The following PCDHGB4 variants were observed in gnomAD, a reference collection of about 807,000 sequenced individuals.
PCDHGB4 encodes the protein protocadherin gamma-B4.
In PCDHGB4, 38 loss-of-function variants were observed where a neutral mutation model predicts 60.5. The observed-to-expected ratio is 0.63, with a 90% CI of 0.48 to 0.82. The LOEUF (loss-of-function observed/expected upper bound fraction) is 0.82. PCDHGB4 is among the 40% of genes least tolerant of loss of function. The pLI is 0.00. For synonymous variants in PCDHGB4, 456 were observed against 509.7 expected, an observed-to-expected ratio of 0.89 and a Z score of 1.42; for missense variants, 1,109 against 1,209.6, an observed-to-expected ratio of 0.92 and a Z score of 1.23.
intron 1 of PCDHGB4, chr5:141,404,337 C>T (rs766940096): frequency 5.0e-6 from 8 of 1,613,902 alleles, no homozygotes; most frequent in Admixed American, 1.7e-5. Flanking sequence ...GTCTACCTCC[C>T]GGAAAACAAC....
At position 141,512,881 on chromosome 5, in the gene PCDHGB4, C is replaced by T. The variant is rs1274589284; in HGVS notation, c.*1708C>T. 1.3e-5 allele frequency: 2 copies of T among 152,268 alleles called. No homozygotes were observed. Among genetic ancestry groups the T allele is most frequent in the African/African-American group, 4.8e-5 (2 of 41,458 alleles). 9.4% of individuals were successfully genotyped at this position (152,268 alleles called of 1,614,324 possible). On this transcript the variant is annotated 3_prime_UTR_variant, in exon 4 of 4. Coordinates refer to ENST00000519479, the MANE Select transcript of PCDHGB4 (RefSeq NM_003736.4). Reference sequence around the variant, plus strand: ...TCGCATAGTCACGTAGCTCCCACCCCACCCTCTTCCTGTGTCTCACGCAAG... The same window carrying T: ...TCGCATAGTCACGTAGCTCCCACCCTACCCTCTTCCTGTGTCTCACGCAAG...
At position 141,490,909 on chromosome 5, in the gene PCDHGB4, G is replaced by A. The variant is rs1170664693; in HGVS notation, c.2398-3898G>A. On this transcript the variant is annotated intron_variant, in intron 1 of 3. Coordinates refer to ENST00000519479, the MANE Select transcript of PCDHGB4 (RefSeq NM_003736.4). The surrounding 1 kb of genome is among the most constrained non-coding windows in gnomAD (Gnocchi z 5.4). ...ATCTCTGCATGTGTTTGTCCTAGAC[G>A]AGAATGATAATGCCCCAGCTGTGCT... The A allele has an allele frequency of 1.1e-5, 17 of 1,613,626 alleles. No individual in the cohort carries two copies. Among genetic ancestry groups the A allele is most frequent in the East Asian group, 4.5e-5 (2 of 44,882 alleles).
chr5:141,396,830 G>A (rs1014090361), intron 1 of PCDHGB4, among the ~76,000 whole-genome samples: 1 of 152,198 alleles, frequency 6.6e-6, no homozygotes, highest in African/African-American at 2.4e-5. Context: ...TGCATATTCA[G>A]TGGAGTGGGA....
In PCDHGB4 at chr5:141,390,098, C is replaced by A. The variant is rs2092044435; in HGVS notation, c.2214C>A (p.Pro738=). Residue 738 remains proline (P), a synonymous_variant, in exon 1 of 4, where the codon CCC becomes CCA. Transcript: ENST00000519479. ...GTGTTAAATCCGAATCCGTGGTTCC[C>A]CCCAACTACAGCGAGGGGACTTTGC... ...GLCVKSESVV[P]PNYSEGTLPY... is the part of the protein sequence containing the mutation. 6.2e-7 allele frequency: 1 copy of A among 1,613,924 alleles called. No homozygotes were observed. The highest frequency in any genetic ancestry group is 8.5e-7 in the Non-Finnish European group (1 of 1,179,902).
intron 1 of PCDHGB4, among the ~76,000 whole-genome samples, chr5:141,437,034 C>T (rs1282216386): frequency 1.3e-5 from 2 of 152,194 alleles, no homozygotes. Context: ...AAATGGATCA[C>T]CGAAACCAGA....
At chr5:141,510,626 AGGTG>A (rs2099882005) in intron 3 of PCDHGB4, among the ~76,000 whole-genome samples, 1 of 152,144 alleles carries the variant, frequency 6.6e-6, no homozygotes, top group Admixed American at 6.5e-5. Context: ...AAACCAGAAG[AGGTG>A]GTTACCATTA....
In PCDHGB4 at chr5:141,431,716, G is replaced by T; in HGVS notation, c.2397+41435G>T. On this transcript the variant is annotated intron_variant, in intron 1 of 3. Transcript: ENST00000519479. The surrounding 1 kb of genome is among the most constrained non-coding windows in gnomAD (Gnocchi z 4.8). ...AGTCAGGATTCTACCAGATGGAAGT[G>T]CAAGCAATGGATAATGCAGGATATT... 1 of 1,614,244 alleles carries T rather than the reference G, an allele frequency of 6.2e-7. No homozygotes were observed. Among genetic ancestry groups the T allele is most frequent in the Middle Eastern group, 1.6e-4 (1 of 6,062 alleles).
intron 1 of PCDHGB4, among the ~76,000 whole-genome samples, chr5:141,443,696 T>C (rs1293017505): frequency 6.6e-6 from 1 of 152,308 alleles, no homozygotes; most frequent in Admixed American, 6.5e-5. Context: ...TCAAAAATTA[T>C]AGAATAACAT....
chr5:141,491,071 C>A lies in PCDHGB4; in HGVS notation c.2398-3736C>A, dbSNP rs987564933. ...TGCGTGGCTCTCCTACTCACTGTTG[C>A]CACAGTCCACAGCCCCAGGACTGTT... On this transcript the variant is annotated intron_variant, in intron 1 of 3. Transcript: ENST00000519479. This position sits in a 1 kb window ranked among gnomAD's most constrained non-coding sequence, Gnocchi z 6.9. 2 of 1,614,034 alleles carry A rather than the reference C, an allele frequency of 1.2e-6. No individual in the cohort carries two copies. The highest frequency in any genetic ancestry group is 1.7e-6 in the Non-Finnish European group (2 of 1,180,036).
At chr5:141,447,719 C>T (rs1333017511) in intron 1 of PCDHGB4, among the ~76,000 whole-genome samples, 2 of 152,226 alleles carry the variant, frequency 1.3e-5, no homozygotes, top group East Asian at 3.9e-4. Context: ...TACACATTTT[C>T]CAAAACTCAT....
intron 1 of PCDHGB4, among the ~76,000 whole-genome samples, chr5:141,406,290 G>A (rs2094788974): frequency 6.6e-6 from 1 of 151,998 alleles, no homozygotes; most frequent in Non-Finnish European, 1.5e-5. Flanking sequence ...AAAGCACTGG[G>A]TGAGGTGTGA....
chr5:141,394,502 G>T, intron 1 of PCDHGB4: 1 of 1,614,226 alleles, frequency 6.2e-7, no homozygotes, highest in Non-Finnish European at 8.5e-7. Flanking sequence ...CCGAGATCCT[G>T]TACCCCGCCC....
chr5:141,393,136 C>A (rs1188231861), intron 1 of PCDHGB4: 3 of 1,613,306 alleles, frequency 1.9e-6, no homozygotes, highest in Admixed American at 1.7e-5. Flanking sequence ...AATATTAACA[C>A]CCTGGTTGAG....
At position 141,416,083 on chromosome 5, in the gene PCDHGB4, A is replaced by T. The variant is rs183563665; in HGVS notation, c.2397+25802A>T. The T allele has an allele frequency of 1.6e-4, 27 of 167,232 alleles. 1 individual carries two copies. The East Asian group carries it at 3.9e-3, about 24-fold the overall frequency. The allele number at this position is 167,232 out of a possible 1,614,324, so 10.4% of individuals were successfully genotyped here. A position where few individuals can be genotyped will look rare whatever the true frequency, so the allele number is the denominator to read the frequency against. On this transcript the variant is annotated intron_variant, in intron 1 of 3. Transcript: ENST00000519479. Reference sequence around the variant, plus strand: ...AGAATACTCAATGCAGTTCTTCCCAAGGAGAAGGGCAATAGGCCTTTTTCA... The same window carrying T: ...AGAATACTCAATGCAGTTCTTCCCATGGAGAAGGGCAATAGGCCTTTTTCA...
chr5:141,455,343 G>A (rs1462807460), intron 1 of PCDHGB4, among the ~76,000 whole-genome samples: 1 of 152,036 alleles, frequency 6.6e-6, no homozygotes, highest in African/African-American at 2.4e-5. Flanking sequence ...TTTAAGGAGC[G>A]GAGAGTTTAA....
At chr5:141,430,946 G>A (rs2097328634) in intron 1 of PCDHGB4, 1 of 1,609,494 alleles carries the variant, frequency 6.2e-7, no homozygotes, top group Non-Finnish European at 8.5e-7. Flanking sequence ...CGCGGAGCGC[G>A]GAGTCCGCAT....
intron 1 of PCDHGB4, chr5:141,403,036 C>T: frequency 1.9e-6 from 3 of 1,614,080 alleles, no homozygotes; most frequent in Non-Finnish European, 2.5e-6. Context: ...AGGCCAGGGC[C>T]AGTCAGATTC....
intron 1 of PCDHGB4, among the ~76,000 whole-genome samples, chr5:141,461,917 G>A (rs527287831): frequency 6.6e-6 from 1 of 152,098 alleles, no homozygotes; most frequent in South Asian, 2.1e-4. Flanking sequence ...TCTGCCTCCT[G>A]GGTTCCAGCA....
intron 1 of PCDHGB4, chr5:141,418,954 T>G (rs1490406390): frequency 6.2e-7 from 1 of 1,613,914 alleles, no homozygotes; most frequent in East Asian, 2.2e-5. Flanking sequence ...CAGGAGTGGT[T>G]GTTGCCCTCT....
Sources: allele counts gnomAD v4.1 joint callset (sites outside exome capture counted in the v4.1 genomes callset), GRCh38; gene constraint gnomAD v4.1.1; non-coding constraint Gnocchi (gnomAD v3.1); transcripts MANE v1.5; gene names NCBI Gene and HGNC (gene_info 2026-07-23, HGNC 2026-07-21).